The following RELN variants were observed in gnomAD, a reference collection of about 807,000 sequenced individuals.
RELN encodes reelin.
In RELN, 108 loss-of-function variants were observed where a neutral mutation model predicts 427.6. That is an observed-to-expected ratio of 0.25 (90% CI 0.22 to 0.30). The LOEUF (loss-of-function observed/expected upper bound fraction) is 0.30, where lower values mean the gene tolerates loss of function less well. Ranked by LOEUF, RELN falls within the 10% of genes least tolerant of loss-of-function variation. The pLI is 1.00. For missense variants in RELN, 3,715 were observed against 4,302.8 expected (o/e 0.86, Z 3.82); for synonymous variants, 1,524 against 1,513.4 (o/e 1.01, Z -0.16).
At chr7:103,693,454 T>C (rs981381730) in intron 10 of RELN, among the ~76,000 whole-genome samples, 2 of 151,696 alleles carry the variant, frequency 1.3e-5, no homozygotes, top group African/African-American at 4.8e-5. Context: ...ATGGCACATG[T>C]ATACTTATGT....
At chr7:103,530,888 T>C (rs1829923426) in intron 46 of RELN, among the ~76,000 whole-genome samples, 1 of 152,218 alleles carries the variant, frequency 6.6e-6, no homozygotes. Context: ...AGAGCAGGTA[T>C]TATTTTTCAG....
intron 5 of RELN, 108 bp downstream of exon 5, chr7:103,753,074 C>G: frequency 9.3e-7 from 1 of 1,078,086 alleles, no homozygotes; most frequent in Non-Finnish European, 1.4e-6. Context: ...GATCAATGAT[C>G]AGAGAGGACA....
chr7:103,500,916 T>G lies in RELN; in HGVS notation c.8496A>C (p.Val2832=). 6.2e-7 allele frequency: 1 copy of G among 1,614,022 alleles called. No individual in the cohort carries two copies. Among genetic ancestry groups the G allele is most frequent in the Non-Finnish European group, 8.5e-7 (1 of 1,179,918 alleles). ...PLPESLVGNP[V]RFRFYQKYSD... is the part of the protein sequence containing the mutation. The stretch of plus-strand genomic sequence containing the variant: ...AGTACTTCTGATAGAACCTAAACCT[T>G]ACCGGACTATTGACAATGCAAAAGC... Residue 2832 remains valine, a synonymous_variant, in exon 53 of 65, where the codon GTA becomes GTC. Transcript: ENST00000428762.
At chr7:103,918,024 C>G (rs1472456169) in intron 1 of RELN, among the ~76,000 whole-genome samples, 1 of 151,996 alleles carries the variant, frequency 6.6e-6, no homozygotes, top group African/African-American at 2.4e-5. Context: ...AGGTAGTGCA[C>G]AGTACAAGGC....
At chr7:103,646,893 C>T (rs578213857) in intron 16 of RELN, among the ~76,000 whole-genome samples, 3 of 151,898 alleles carry the variant, frequency 2.0e-5, no homozygotes, top group Non-Finnish European at 4.4e-5. Context: ...AAACTGAATC[C>T]AACAGCACAT....
At chr7:103,779,767 C>T (rs1367005771) in intron 3 of RELN, among the ~76,000 whole-genome samples, 4 of 152,116 alleles carry the variant, frequency 2.6e-5, no homozygotes, top group South Asian at 2.1e-4. Flanking sequence ...CTTGCTCTGT[C>T]GCCAAGCTGG....
intron 6 of RELN, among the ~76,000 whole-genome samples, chr7:103,736,425 T>A (rs1295665977): frequency 6.6e-6 from 1 of 152,200 alleles, no homozygotes; most frequent in Admixed American, 6.5e-5. Flanking sequence ...GAATATTACC[T>A]TCAACTATGT....
At chr7:103,959,132 G>A (rs12666162) in intron 1 of RELN, among the ~76,000 whole-genome samples, 16,319 of 151,942 alleles carry the variant, frequency 0.11, 995 homozygotes, top group East Asian at 0.2. Flanking sequence ...TAGTAGAGAC[G>A]GGGCTTTGCC....
intron 34 of RELN, 63 bp from the exon 35 acceptor site, chr7:103,562,016 G>A (rs1830656140): frequency 6.4e-7 from 1 of 1,557,300 alleles, no homozygotes; most frequent in South Asian, 1.2e-5. Context: ...GAAAGCACAA[G>A]GACATTTATT....
chr7:103,897,514 T>C (rs548214556), intron 2 of RELN, among the ~76,000 whole-genome samples: 1 of 152,174 alleles, frequency 6.6e-6, no homozygotes, highest in African/African-American at 2.4e-5. Context: ...CTAATATTAC[T>C]TCATTAAACG....
At chr7:103,672,866 GCT>G (rs558493057) in intron 11 of RELN, among the ~76,000 whole-genome samples, 11 of 152,096 alleles carry the variant, frequency 7.2e-5, no homozygotes, top group Non-Finnish European at 1.6e-4. Flanking sequence ...TATGCAAAGT[GCT>G]CTACATGTAC....
intron 64 of RELN, 116 bp from the exon 65 acceptor site, chr7:103,473,024 A>AT: frequency 1.1e-6 from 1 of 927,358 alleles, no homozygotes; most frequent in African/African-American, 1.6e-5. Flanking sequence ...TTGTTTGAAA[A>AT]TTTTCAGGGT....
At chr7:103,488,385 C>G (rs1400407941) in intron 60 of RELN, among the ~76,000 whole-genome samples, 5 of 152,160 alleles carry the variant, frequency 3.3e-5, no homozygotes. Context: ...TCGAGGACTT[C>G]TTGTGAGACA....
At chr7:103,762,023 T>C (rs1791312868) in intron 4 of RELN, among the ~76,000 whole-genome samples, 1 of 152,088 alleles carries the variant, frequency 6.6e-6, no homozygotes, top group East Asian at 1.9e-4. Flanking sequence ...TTGCTAGAGA[T>C]TTTCCAATGT....
chr7:103,955,581 A>G (rs1293686490), intron 1 of RELN, among the ~76,000 whole-genome samples: 1 of 152,102 alleles, frequency 6.6e-6, no homozygotes, highest in Non-Finnish European at 1.5e-5. Flanking sequence ...TGATTATTGT[A>G]TTTGGCTTCT....
chr7:103,829,710 T>G (rs1036832752), intron 3 of RELN, among the ~76,000 whole-genome samples: 1 of 151,988 alleles, frequency 6.6e-6, no homozygotes, highest in Non-Finnish European at 1.5e-5. Flanking sequence ...CAAATGACTA[T>G]GTGGCTAAGT....
At chr7:103,520,566 G>A (rs941260208) in intron 48 of RELN, among the ~76,000 whole-genome samples, 43 of 152,076 alleles carry the variant, frequency 2.8e-4, no homozygotes, top group African/African-American at 1.0e-3. Context: ...GTGAGCCACC[G>A]CGCCTGTAAA....
intron 53 of RELN, among the ~76,000 whole-genome samples, chr7:103,498,746 C>T (rs1198099926): frequency 6.6e-6 from 1 of 152,122 alleles, no homozygotes; most frequent in Non-Finnish European, 1.5e-5. Context: ...CCCACCTCCG[C>T]CTCCCAGAGT....
chr7:103,697,469 T>C (rs533164900), intron 10 of RELN, among the ~76,000 whole-genome samples: 1 of 152,224 alleles, frequency 6.6e-6, no homozygotes, highest in African/African-American at 2.4e-5. Flanking sequence ...AGTTTCTCAA[T>C]ACTCTGAACT....
Sources: gnomAD v4.1 joint callset for allele counts (sites outside exome capture counted in the v4.1 genomes callset) on GRCh38, gnomAD v4.1.1 for gene constraint, MANE v1.5 for transcripts, NCBI Gene and HGNC (gene_info 2026-07-23, HGNC 2026-07-21) for gene names.